Variants in CSMD3 observed in about 807,000 individuals in gnomAD.
CSMD3 encodes CUB and Sushi multiple domains 3.
A neutral mutation model predicts 435.2 loss-of-function variants in CSMD3; 177 were observed. The observed-to-expected ratio is 0.41, with a 90% CI of 0.36 to 0.46. The LOEUF is 0.46. CSMD3 is among the 20% of genes least tolerant of loss of function. CSMD3 has a pLI of 0.34. For synonymous variants in CSMD3, 1,656 were observed against 1,520.5 expected, an observed-to-expected ratio of 1.09 and a Z score of -2.07; for missense variants, 4,265 against 4,504.6, an observed-to-expected ratio of 0.95 and a Z score of 1.52.
At chr8:112,467,639 T>C (rs1818093599) in intron 32 of CSMD3, among the ~76,000 whole-genome samples, 1 of 151,972 alleles carries the variant, frequency 6.6e-6, no homozygotes, top group Non-Finnish European at 1.5e-5. Context: ...GCAGATGTGA[T>C]TAGTTAAGGA....
intron 10 of CSMD3, 124 bp downstream of exon 10, chr8:112,921,503 A>G (rs2082742232): frequency 8.1e-6 from 7 of 863,174 alleles, no homozygotes; most frequent in Non-Finnish European, 1.3e-5. Flanking sequence ...ATCAATAAAT[A>G]TATGAGCACA....
At chr8:113,118,638 G>T (rs1404527702) in intron 4 of CSMD3, among the ~76,000 whole-genome samples, 1 of 152,004 alleles carries the variant, frequency 6.6e-6, no homozygotes, top group African/African-American at 2.4e-5. Flanking sequence ...CTACAGCTTG[G>T]GTAACAGAGC....
At chr8:113,024,077 C>T (rs904093004) in intron 5 of CSMD3, among the ~76,000 whole-genome samples, 6 of 152,174 alleles carry the variant, frequency 3.9e-5, no homozygotes, top group Admixed American at 2.0e-4. Context: ...TATCAACTCA[C>T]CACCTTCCTC....
intron 39 of CSMD3, 86 bp downstream of exon 39, chr8:112,352,330 A>C (rs2131061490): frequency 6.3e-7 from 1 of 1,595,784 alleles, no homozygotes; most frequent in Non-Finnish European, 8.5e-7. Flanking sequence ...TCAATGTTGT[A>C]AAACCCGTGG....
intron 31 of CSMD3, among the ~76,000 whole-genome samples, chr8:112,485,785 G>A (rs751529091): frequency 3.3e-5 from 5 of 151,998 alleles, no homozygotes; most frequent in Non-Finnish European, 7.4e-5. Flanking sequence ...CAGGGTAAGA[G>A]GGCTCTTCTT....
chr8:112,836,067 T>A (rs1423310307), intron 11 of CSMD3, among the ~76,000 whole-genome samples: 1 of 151,878 alleles, frequency 6.6e-6, no homozygotes, highest in Non-Finnish European at 1.5e-5. Context: ...TTAGCCACAG[T>A]TCTTTAGACA....
chr8:113,208,697 T>A (rs528568667), intron 3 of CSMD3, among the ~76,000 whole-genome samples: 1 of 152,200 alleles, frequency 6.6e-6, no homozygotes, highest in African/African-American at 2.4e-5. Flanking sequence ...CATAAGTACA[T>A]GAAGAAAAAT....
chr8:113,296,801 A>G (rs1056917407), intron 2 of CSMD3, among the ~76,000 whole-genome samples: 1 of 152,162 alleles, frequency 6.6e-6, no homozygotes, highest in Non-Finnish European at 1.5e-5. Context: ...ACCAGCCAAC[A>G]TTGTCTCTAA....
At chr8:112,970,395 C>CAAAA (rs11284034) in intron 7 of CSMD3, among the ~76,000 whole-genome samples, 170 of 81,976 alleles carry the variant, frequency 2.1e-3, no homozygotes, top group Non-Finnish European at 2.3e-3. Context: ...GACTCCCTCT[C>CAAAA]AAAAAAAAAA....
At chr8:113,315,415 C>T (rs2093901668) in intron 1 of CSMD3, among the ~76,000 whole-genome samples, 1 of 151,886 alleles carries the variant, frequency 6.6e-6, no homozygotes, top group Admixed American at 6.6e-5. Flanking sequence ...ATCCGAAGGT[C>T]AGGACAAAAA....
chr8:113,023,025 C>G (rs190008362), intron 5 of CSMD3, among the ~76,000 whole-genome samples: 22 of 152,052 alleles, frequency 1.4e-4, no homozygotes, highest in African/African-American at 5.1e-4. Flanking sequence ...ATTAGTTAAA[C>G]ATAAGAAAAT....
At chr8:112,957,459 G>A (rs1181460142) in intron 7 of CSMD3, among the ~76,000 whole-genome samples, 1 of 152,166 alleles carries the variant, frequency 6.6e-6, no homozygotes, top group South Asian at 2.1e-4. Context: ...ATTTTTGTTT[G>A]TTTGTTTGTT....
chr8:112,987,642 T>C (rs1049322169), intron 6 of CSMD3, among the ~76,000 whole-genome samples: 1 of 152,130 alleles, frequency 6.6e-6, no homozygotes, highest in Non-Finnish European at 1.5e-5. Context: ...TCTTAACTTC[T>C]GTGAAATCAG....
chr8:112,753,101 C>T (rs926366742), intron 13 of CSMD3, among the ~76,000 whole-genome samples: 1 of 151,972 alleles, frequency 6.6e-6, no homozygotes, highest in Admixed American at 6.6e-5. Flanking sequence ...ATTTTTTTAT[C>T]TACTATGTAT....
At chr8:112,547,524 G>T (rs1827289246) in intron 27 of CSMD3, among the ~76,000 whole-genome samples, 1 of 151,986 alleles carries the variant, frequency 6.6e-6, no homozygotes, top group Non-Finnish European at 1.5e-5. Context: ...CTGCACCCTG[G>T]GTGACAGAGC....
chr8:112,960,963 T>A (rs1042812051), intron 7 of CSMD3, among the ~76,000 whole-genome samples: 4 of 151,802 alleles, frequency 2.6e-5, no homozygotes, highest in African/African-American at 9.7e-5. Flanking sequence ...CAATGCTCAT[T>A]TGTACATAGC....
chr8:112,757,385 T>G (rs1054320360), intron 13 of CSMD3, among the ~76,000 whole-genome samples: 1 of 152,084 alleles, frequency 6.6e-6, no homozygotes, highest in South Asian at 2.1e-4. Flanking sequence ...TATATTTAGA[T>G]GTATATATAT....
intron 10 of CSMD3, among the ~76,000 whole-genome samples, chr8:112,895,460 GA>G (rs1428751917): frequency 1.3e-4 from 20 of 151,138 alleles, no homozygotes; most frequent in Admixed American, 1.3e-3. Context: ...TTTATTCTAG[GA>G]AAAACAAGAA....
In CSMD3 at chr8:112,289,438, A is replaced by G; in HGVS notation, c.9075T>C (p.Arg3025=). 6.2e-7 allele frequency: 1 copy of G among 1,613,428 alleles called. No individual in the cohort carries two copies. The highest frequency in any genetic ancestry group is 1.1e-5 in the South Asian group (1 of 91,076). ...TTCTTGATGACTGGCCTAAAAGGGA[A>G]CGCTTTCCTGTGCAGGAATAGTGAA... ...STVHYSCTGK[R]SLLGQSSRTC... is the part of the protein sequence containing the mutation. The change falls in exon 57 of 71, where the codon CGT becomes CGC. Residue 3025 remains arginine (R), a synonymous_variant. Transcript: ENST00000297405.
Sources: gnomAD v4.1 joint callset for allele counts (sites outside exome capture counted in the v4.1 genomes callset) on GRCh38, gnomAD v4.1.1 for gene constraint, MANE v1.5 for transcripts, NCBI Gene and HGNC (gene_info 2026-07-23, HGNC 2026-07-21) for gene names.